The following TMEM209 variants were observed in gnomAD, a reference collection of about 807,000 sequenced individuals.
The protein encoded by TMEM209 is testicular tissue protein Li 202.
Under a neutral mutation model 76.2 loss-of-function variants are expected in TMEM209, and 65 were observed. That is an observed-to-expected ratio of 0.85 (90% CI 0.70 to 1.05). TMEM209 has a LOEUF of 1.05. Ranked by LOEUF, TMEM209 falls within the 50% of genes least tolerant of loss-of-function variation. The pLI, the probability that TMEM209 is intolerant of heterozygous loss-of-function variation, is 0.00. For synonymous variants in TMEM209, 239 were observed against 237.6 expected (o/e 1.01, Z -0.06); for missense variants, 623 against 685.5 (o/e 0.91, Z 1.02).
intron 8 of TMEM209, among the ~76,000 whole-genome samples, chr7:130,182,222 G>A (rs572343359): frequency 1.3e-5 from 2 of 152,040 alleles, no homozygotes; most frequent in East Asian, 1.9e-4. Context: ...GATTACAGGC[G>A]TGAGCCACTG....
intron 6 of TMEM209, among the ~76,000 whole-genome samples, chr7:130,190,824 C>T (rs1055481369): frequency 4.6e-5 from 7 of 151,920 alleles, no homozygotes; most frequent in African/African-American, 1.7e-4. Flanking sequence ...TGGCAAAACC[C>T]GGTCTCTACT....
In TMEM209 at chr7:130,192,517, T is replaced by C. The variant is rs75961381; in HGVS notation, c.775+105A>G. 48 of 978,648 alleles carry C rather than the reference T, an allele frequency of 4.9e-5. No homozygotes were observed. The East Asian group carries it at 5.0e-4, about 10-fold the overall frequency. 60.6% of individuals were successfully genotyped at this position (978,648 alleles called of 1,614,324 possible). On this transcript the variant is annotated intron_variant, in intron 6 of 14. Transcript: ENST00000397622. ...ACATATAAAGTAAAACAAAACATGC[T>C]AAGCTAATAAAGTATGTTAGTATGG...
chr7:130,189,795 A>G (rs1186169900), intron 6 of TMEM209, among the ~76,000 whole-genome samples: 1 of 152,234 alleles, frequency 6.6e-6, no homozygotes, highest in Non-Finnish European at 1.5e-5. Flanking sequence ...ATATCTGTGT[A>G]TATGTCCATA....
chr7:130,200,961 C>T (rs1318704094), intron 5 of TMEM209, among the ~76,000 whole-genome samples: 1 of 151,656 alleles, frequency 6.6e-6, no homozygotes, highest in Admixed American at 6.6e-5. Context: ...CGGTGGTGGA[C>T]GCCTGTAGTC....
Position 130,185,263 on chromosome 7 carries a change from C to A in TMEM209, c.880G>T (p.Ala294Ser). The A allele has an allele frequency of 6.2e-7, 1 of 1,613,978 alleles. No homozygotes were observed. The highest frequency in any genetic ancestry group is 8.5e-7 in the Non-Finnish European group (1 of 1,179,894). Residue 294 changes from alanine to serine, a missense_variant, in exon 7 of 15, where the codon GCC (alanine) becomes TCC (serine). Physicochemically the swap from Ala to Ser is moderately conservative, Grantham distance 99. Transcript: ENST00000397622. ...GCACATGGGGCCTGAGACCTACAGGCAAGCTGATACTGAAACTTCTTTAAA... is the reference window on the plus strand; with the variant it reads ...GCACATGGGGCCTGAGACCTACAGGAAAGCTGATACTGAAACTTCTTTAAA... ...QTLKKFQYQL[A>S]CRSQAPCANK... is the part of the protein sequence containing the mutation.
chr7:130,193,049 A>G (rs1322328627), intron 5 of TMEM209, among the ~76,000 whole-genome samples: 1 of 152,174 alleles, frequency 6.6e-6, no homozygotes. Context: ...TACAAAAGTA[A>G]ATATTATCTT....
chr7:130,180,878 G>C (rs529335664), intron 9 of TMEM209, among the ~76,000 whole-genome samples: 3 of 152,186 alleles, frequency 2.0e-5, no homozygotes, highest in Non-Finnish European at 4.4e-5. Flanking sequence ...AAATGGTGCA[G>C]CTAGGTGCTT....
In TMEM209 at chr7:130,181,653, G is replaced by A. The variant is rs758416928; in HGVS notation, c.1090C>T (p.Arg364Ter). ...ATCTGTAGCTCTGGACAACCCATTC[G>A]TCTCATCTGTGTGCTGACAGACTCA... ...EIESVSTQMRRMGCPELQIGE... is the reference protein window; with the variant it reads ...EIESVSTQMR Residue 364 changes from arginine (R) to a stop codon, truncating the protein, a stop_gained, in exon 9 of 15, where the codon CGA becomes TGA. Transcript: ENST00000397622. LOFTEE classifies it high-confidence loss of function. 7.4e-6 allele frequency: 12 copies of A among 1,612,294 alleles called. No individual in the cohort carries two copies. The highest frequency in any genetic ancestry group is 5.0e-5 in the Admixed American group (3 of 59,846).
intron 8 of TMEM209, among the ~76,000 whole-genome samples, chr7:130,183,729 A>G (rs1562890363): frequency 1.3e-5 from 2 of 152,186 alleles, no homozygotes; most frequent in Non-Finnish European, 2.9e-5. Context: ...TTGGCCCAAG[A>G]TTAGAGGGTT....
chr7:130,202,155 T>A (rs1798232662), intron 4 of TMEM209, 64 bp from the exon 5 acceptor site: 2 of 1,522,700 alleles, frequency 1.3e-6, no homozygotes. Flanking sequence ...CGAAAATATA[T>A]TTAAGCAACT....
intron 13 of TMEM209, among the ~76,000 whole-genome samples, chr7:130,173,196 G>T (rs939147551): frequency 4.0e-5 from 6 of 151,888 alleles, no homozygotes; most frequent in African/African-American, 1.5e-4. Context: ...AAATAAATTG[G>T]CCAGGTATAC....
At chr7:130,176,537 A>G (rs1436499931) in intron 10 of TMEM209, among the ~76,000 whole-genome samples, 1 of 152,200 alleles carries the variant, frequency 6.6e-6, no homozygotes, top group African/African-American at 2.4e-5. Context: ...CCTGCTAACT[A>G]CAAGGCAATC....
chr7:130,174,812 C>T (rs975311274), intron 11 of TMEM209, among the ~76,000 whole-genome samples: 3 of 152,108 alleles, frequency 2.0e-5, no homozygotes, highest in Non-Finnish European at 4.4e-5. Flanking sequence ...TTCTCCACCA[C>T]AAGTGTCTCA....
intron 5 of TMEM209, among the ~76,000 whole-genome samples, chr7:130,196,326 CTTTTT>C (rs66615411): frequency 7.0e-6 from 1 of 143,620 alleles, no homozygotes; most frequent in Admixed American, 6.9e-5. Context: ...CAATTTTTGG[CTTTTT>C]TTTTTTTTCC....
intron 6 of TMEM209, among the ~76,000 whole-genome samples, chr7:130,186,837 AAAGAC>A (rs1221343018): frequency 6.6e-6 from 1 of 152,220 alleles, no homozygotes; most frequent in East Asian, 1.9e-4. Flanking sequence ...GGAGAACCTC[AAAGAC>A]CTAAGAGTCA....
chr7:130,185,422 A>G (rs933208683), intron 6 of TMEM209, 55 bp from the exon 7 acceptor site: 2 of 1,508,070 alleles, frequency 1.3e-6, no homozygotes, highest in African/African-American at 1.4e-5. Flanking sequence ...TGACATCTAC[A>G]GTTAACACTT....
At position 130,204,085 on chromosome 7, in the gene TMEM209, G is replaced by T; in HGVS notation, c.29C>A (p.Ala10Asp). Reference protein sequence around the residue: MMQGEAHPSASLIDRTIKMR... With the variant: MMQGEAHPSDSLIDRTIKMR... ...CTTGATGGTTCTGTCAATAAGGGAA[G>T]CACTAGGGTGTGCCTCCCCCTGCAT... is the stretch of plus-strand genomic sequence containing the variant. Residue 10 changes from alanine to aspartate, a missense_variant, in exon 2 of 15, where the codon GCT (alanine) becomes GAT (aspartate). By Grantham distance (126) the Ala-to-Asp change is moderately radical. Coordinates refer to ENST00000397622, the MANE Select transcript of TMEM209 (RefSeq NM_032842.4). The T allele has an allele frequency of 6.2e-7, 1 of 1,612,094 alleles. No individual in the cohort carries two copies.
At chr7:130,187,009 G>T (rs1417953771) in intron 6 of TMEM209, among the ~76,000 whole-genome samples, 1 of 152,124 alleles carries the variant, frequency 6.6e-6, no homozygotes, top group Non-Finnish European at 1.5e-5. Context: ...TTGGGAGGCC[G>T]AGGCGGGCAG....
In TMEM209 at chr7:130,202,556, T is replaced by C. The variant is rs1396203515; in HGVS notation, c.307A>G (p.Thr103Ala). 2 of 1,612,540 alleles carry C rather than the reference T, an allele frequency of 1.2e-6. No homozygotes were observed. Among genetic ancestry groups the C allele is most frequent in the Non-Finnish European group, 1.7e-6 (2 of 1,179,496 alleles). Residue 103 changes from threonine to alanine, a missense_variant, in exon 4 of 15, where the codon ACA (threonine) becomes GCA (alanine). By Grantham distance (58) the Thr-to-Ala change is moderately conservative. Transcript: ENST00000397622. ...TSLVVSPGQQTLLGLKTAVVQ... is the reference protein window; with the variant it reads ...TSLVVSPGQQALLGLKTAVVQ... ...CCAGCTGTTTTCAACCCTAAAAGTG[T>C]TTGCTGTCCAGGACTAACAACCAGA...
Sources: allele counts gnomAD v4.1 joint callset (sites outside exome capture counted in the v4.1 genomes callset), GRCh38; gene constraint gnomAD v4.1.1; transcripts MANE v1.5; gene names NCBI Gene and HGNC (gene_info 2026-07-23, HGNC 2026-07-21).